PCNX1: variants seen among roughly 807,000 people sequenced by gnomAD.
PCNX1 encodes the protein pecanex 1, also known as pecanex-like protein 1.
A neutral mutation model predicts 242.2 loss-of-function variants in PCNX1; 78 were observed. The observed-to-expected ratio is 0.32, with a 90% CI of 0.27 to 0.39. The LOEUF is 0.39. Among genes scored for constraint, PCNX1 ranks in the 10% least tolerant of loss-of-function variants. The probability of loss-of-function intolerance (pLI) is 1.00; values close to 1 mark genes in which losing one functional copy is unlikely to be tolerated. For synonymous variants in PCNX1, 1,024 were observed against 1,032.9 expected (o/e 0.99, Z 0.17); for missense variants, 2,581 against 2,856.5 (o/e 0.90, Z 2.20).
chr14:71,009,773 A>T (rs377236460), intron 9 of PCNX1, 49 bp downstream of exon 9: 10 of 1,134,686 alleles, frequency 8.8e-6, no homozygotes, highest in Admixed American at 4.0e-5. Flanking sequence ...TATGTTTGCC[A>T]TATTTAATGT....
At chr14:70,919,179 C>T (rs565241280) in intron 1 of PCNX1, among the ~76,000 whole-genome samples, 3 of 152,130 alleles carry the variant, frequency 2.0e-5, no homozygotes, top group African/African-American at 7.2e-5. Flanking sequence ...CCACTGCACC[C>T]GACTCAATGG....
chr14:71,105,499 G>C, intron 33 of PCNX1, 59 bp downstream of exon 33: 1 of 1,278,182 alleles, frequency 7.8e-7, no homozygotes, highest in Non-Finnish European at 1.1e-6. Flanking sequence ...AGGCTGGTTA[G>C]TATATGTGTA....
intron 2 of PCNX1, among the ~76,000 whole-genome samples, chr14:70,952,752 C>T (rs2057837382): frequency 6.6e-6 from 1 of 152,026 alleles, no homozygotes; most frequent in Admixed American, 6.5e-5. Flanking sequence ...TGTTTTTTGT[C>T]TTGTGGTACA....
chr14:71,078,140 A>G (rs1394725112), intron 28 of PCNX1, among the ~76,000 whole-genome samples: 2 of 151,876 alleles, frequency 1.3e-5, no homozygotes, highest in Non-Finnish European at 2.9e-5. Context: ...TTTGTTTTCT[A>G]CTCTTACAAT....
intron 6 of PCNX1, among the ~76,000 whole-genome samples, chr14:70,981,105 A>G (rs1276018588): frequency 3.9e-5 from 6 of 152,168 alleles, no homozygotes; most frequent in African/African-American, 1.2e-4. Flanking sequence ...TAGGAAAGCT[A>G]CTTACAAACC....
At chr14:70,979,221 C>T (rs748553791) in intron 6 of PCNX1, among the ~76,000 whole-genome samples, 6 of 151,920 alleles carry the variant, frequency 3.9e-5, no homozygotes, top group Non-Finnish European at 1.5e-5. Flanking sequence ...TCTATAATTT[C>T]ACACATTATT....
chr14:71,020,124 A>G lies in PCNX1; in HGVS notation c.3150+962A>G, dbSNP rs911716452. On this transcript the variant is annotated intron_variant, in intron 12 of 35. Transcript: ENST00000304743. The stretch of plus-strand genomic sequence containing the variant: ...AAAGGACATGAACTCATCCTTTTTT[A>G]TGGCTGCATAGTATTCCATGTTGTA... Among the ~76,000 whole-genome samples the G allele has an allele frequency of 3.7e-4, 56 of 152,144 alleles. 1 individual carries two copies. Among genetic ancestry groups the G allele is most frequent in the Middle Eastern group, 6.8e-3 (2 of 294 alleles).
At position 71,039,704 on chromosome 14, in the gene PCNX1, G is replaced by A. The variant is rs139795440; in HGVS notation, c.3867+3547G>A. On this transcript the variant is annotated intron_variant, in intron 19 of 35. Transcript: ENST00000304743. Reference sequence around the variant, plus strand: ...AGTCCATCAGTAGACCTCCATGATCGACATCCCTTCTATATGCAAAGTGCA... The same window carrying A: ...AGTCCATCAGTAGACCTCCATGATCAACATCCCTTCTATATGCAAAGTGCA... Among the ~76,000 whole-genome samples the A allele has an allele frequency of 2.6e-5, 4 of 152,218 alleles. No homozygotes were observed. In the East Asian group the frequency reaches 7.7e-4, roughly 29 times the overall value.
At chr14:71,068,625 T>C (rs1485272335) in intron 26 of PCNX1, among the ~76,000 whole-genome samples, 2 of 143,354 alleles carry the variant, frequency 1.4e-5, no homozygotes, top group Non-Finnish European at 3.0e-5. Context: ...TGTGTGTGTA[T>C]AAAAATATAT....
intron 18 of PCNX1, 32 bp from the exon 19 acceptor site, chr14:71,036,033 A>T (rs778370167): frequency 6.8e-5 from 93 of 1,367,134 alleles, no homozygotes; most frequent in Non-Finnish European, 1.9e-5. Context: ...AATTTTATGT[A>T]ATTGTTTAAT....
At chr14:70,979,030 T>C (rs1467282391) in intron 6 of PCNX1, among the ~76,000 whole-genome samples, 1 of 152,202 alleles carries the variant, frequency 6.6e-6, no homozygotes, top group Non-Finnish European at 1.5e-5. Context: ...TCAACTCTTA[T>C]ACAGTATATG....
At chr14:71,038,824 A>G (rs1383778413) in intron 19 of PCNX1, among the ~76,000 whole-genome samples, 2 of 151,892 alleles carry the variant, frequency 1.3e-5, no homozygotes, top group African/African-American at 2.4e-5. Flanking sequence ...AACCAACCCA[A>G]ATGTCCAACA....
At position 71,045,117 on chromosome 14, in the gene PCNX1, C is replaced by G. The variant is rs1249202958; in HGVS notation, c.3868-16C>G. The G allele has an allele frequency of 1.9e-6, 3 of 1,554,494 alleles. No homozygotes were observed. Among genetic ancestry groups the G allele is most frequent in the Admixed American group, 2.1e-5 (1 of 48,044 alleles). ...AAAATCACTCCTAATTTTATCACTT[C>G]TATTATTTTTTTTAGCCTGCCCTCA... is the stretch of plus-strand genomic sequence containing the variant. On this transcript the variant is annotated splice_polypyrimidine_tract_variant and intron_variant, in intron 19 of 35. Transcript: ENST00000304743.
chr14:70,984,491 A>G (rs7161269), intron 6 of PCNX1, among the ~76,000 whole-genome samples: 2,377 of 151,066 alleles, frequency 0.016, 106 homozygotes, highest in Middle Eastern at 0.044. Context: ...AGTTCACGCC[A>G]TTCTCCTGCC....
intron 24 of PCNX1, among the ~76,000 whole-genome samples, chr14:71,054,659 G>A (rs146055401): frequency 1.4e-4 from 22 of 152,090 alleles, no homozygotes; most frequent in East Asian, 1.2e-3. Context: ...AGAAAAAAAC[G>A]CAGCTAGTTC....
chr14:71,085,249 G>C (rs2061955851), intron 28 of PCNX1, among the ~76,000 whole-genome samples: 1 of 152,162 alleles, frequency 6.6e-6, no homozygotes, highest in South Asian at 2.1e-4. Flanking sequence ...TTTCTGCCTT[G>C]ATGTTGCTGG....
At chr14:71,101,857 T>G (rs1309164641) in intron 30 of PCNX1, 133 bp from the exon 31 acceptor site, 11 of 500,424 alleles carry the variant, frequency 2.2e-5, no homozygotes, top group Non-Finnish European at 3.1e-5. Context: ...ATCTATAATT[T>G]ATCTCTAATA....
chr14:71,012,854 A>AAAT (rs1216297667), intron 10 of PCNX1, 131 bp from the exon 11 acceptor site: 2 of 691,688 alleles, frequency 2.9e-6, no homozygotes, highest in Non-Finnish European at 4.9e-6. Context: ...TGAGAGAAGA[A>AAAT]AATTAAAGGG....
At chr14:70,950,485 A>G (rs1166629754) in intron 2 of PCNX1, among the ~76,000 whole-genome samples, 2 of 152,152 alleles carry the variant, frequency 1.3e-5, no homozygotes, top group East Asian at 3.8e-4. Context: ...TAAATGTTCT[A>G]TCATAGTTTT....
Sources: gnomAD v4.1 joint callset for allele counts (sites outside exome capture counted in the v4.1 genomes callset) on GRCh38, gnomAD v4.1.1 for gene constraint, MANE v1.5 for transcripts, NCBI Gene and HGNC (gene_info 2026-07-23, HGNC 2026-07-21) for gene names.